MLLT10: variants seen among roughly 807,000 people sequenced by gnomAD.
The protein encoded by MLLT10 is protein AF-10.
Under a neutral mutation model 129.1 loss-of-function variants are expected in MLLT10, and 30 were observed. The observed-to-expected ratio is 0.23, with a 90% CI of 0.17 to 0.32. The LOEUF (loss-of-function observed/expected upper bound fraction) is 0.32. MLLT10 is among the 10% of genes least tolerant of loss of function. The probability of loss-of-function intolerance (pLI) is 1.00; values close to 1 mark genes in which losing one functional copy is unlikely to be tolerated. For missense variants in MLLT10, 1,119 were observed against 1,268.3 expected (o/e 0.88, Z 1.79); for synonymous variants, 490 against 446.4 (o/e 1.10, Z -1.23).
In MLLT10 at chr10:21,741,857, T is replaced by C; in HGVS notation, c.3163-82T>C. ...GGGAGTAACTTTCTATACCACATTT[T>C]ATCTCAGTCACAGTTTCAAATTCGG... On this transcript the variant is annotated intron_variant, in intron 22 of 22. Transcript: ENST00000307729. The C allele has an allele frequency of 3.4e-6, 5 of 1,454,188 alleles. No individual in the cohort carries two copies. The South Asian group carries it at 6.1e-5, about 18-fold the overall frequency. 90.1% of individuals were successfully genotyped at this position (1,454,188 alleles called of 1,614,324 possible). A position where few individuals can be genotyped will look rare whatever the true frequency, so the allele number is the denominator to read the frequency against.
intron 5 of MLLT10, among the ~76,000 whole-genome samples, chr10:21,602,983 C>G (rs977054901): frequency 6.6e-6 from 1 of 152,006 alleles, no homozygotes; most frequent in Non-Finnish European, 1.5e-5. Flanking sequence ...CCACCTGCCT[C>G]GGCCTCCCAA....
At chr10:21,622,240 C>G (rs566633624) in intron 8 of MLLT10, among the ~76,000 whole-genome samples, 5 of 147,206 alleles carry the variant, frequency 3.4e-5, no homozygotes, top group African/African-American at 5.1e-5. Context: ...TCACTGCAGC[C>G]TTGATCTCCG....
At chr10:21,634,170 G>T (rs536523452) in intron 8 of MLLT10, among the ~76,000 whole-genome samples, 141 of 151,802 alleles carry the variant, frequency 9.3e-4, no homozygotes, top group African/African-American at 2.9e-3. Flanking sequence ...AACCCAGGAG[G>T]CAGGGGTTTC....
chr10:21,706,235 A>G (rs2055481834), intron 13 of MLLT10, among the ~76,000 whole-genome samples: 2 of 152,236 alleles, frequency 1.3e-5, no homozygotes, highest in Non-Finnish European at 2.9e-5. Context: ...TGAATTCATA[A>G]TAATGATGGG....
intron 14 of MLLT10, among the ~76,000 whole-genome samples, chr10:21,714,923 A>G (rs2056418988): frequency 6.6e-6 from 1 of 152,114 alleles, no homozygotes; most frequent in African/African-American, 2.4e-5. Flanking sequence ...ATCCCCCTGT[A>G]TTACACCCCC....
At chr10:21,727,975 G>A in intron 16 of MLLT10, 47 bp downstream of exon 16, 1 of 1,543,328 alleles carries the variant, frequency 6.5e-7, no homozygotes. Flanking sequence ...AAACGTTTGA[G>A]ATTTGGAAAC....
chr10:21,740,075 C>T lies in MLLT10; in HGVS notation c.3001C>T (p.Gln1001Ter), dbSNP rs768098714. ...GTATCAGTTAATGCAACATCACCAC[C>T]AGCAGCACCACCAACCTGAACTTCA... Reference protein sequence around the residue: ...FLYQLMQHHHQQHHQPELQQL... With the variant: ...FLYQLMQHHH Residue 1001 changes from glutamine (Q) to a stop codon, truncating the protein, a stop_gained, in exon 22 of 23, where the codon CAG becomes TAG. Coordinates refer to ENST00000307729, the MANE Select transcript of MLLT10 (RefSeq NM_001195626.3). LOFTEE classifies it high-confidence loss of function. The T allele has an allele frequency of 1.2e-6, 2 of 1,613,788 alleles. No homozygotes were observed. Among genetic ancestry groups the T allele is most frequent in the Non-Finnish European group, 1.7e-6 (2 of 1,179,856 alleles).
chr10:21,609,767 A>T (rs2044412677), intron 5 of MLLT10, among the ~76,000 whole-genome samples: 1 of 152,126 alleles, frequency 6.6e-6, no homozygotes, highest in Non-Finnish European at 1.5e-5. Context: ...TAGTGAGTAC[A>T]CTGGAAAATA....
chr10:21,656,828 T>C (rs1255780861), intron 9 of MLLT10, among the ~76,000 whole-genome samples: 1 of 152,082 alleles, frequency 6.6e-6, no homozygotes, highest in Non-Finnish European at 1.5e-5. Context: ...GGAGTAAAAG[T>C]GTAAGTGTCT....
intron 11 of MLLT10, among the ~76,000 whole-genome samples, chr10:21,681,103 C>T (rs2052694966): frequency 6.6e-6 from 1 of 152,150 alleles, no homozygotes; most frequent in Admixed American, 6.5e-5. Flanking sequence ...TGTAATAACA[C>T]AGATACATTC....
chr10:21,714,043 T>C (rs1375667053), intron 14 of MLLT10, 93 bp downstream of exon 14: 2 of 1,057,748 alleles, frequency 1.9e-6, no homozygotes, highest in Middle Eastern at 2.2e-4. Context: ...ACATAGGGCC[T>C]TCTATAGGAA....
chr10:21,741,248 G>T (rs1182433680), intron 22 of MLLT10, among the ~76,000 whole-genome samples: 1 of 144,230 alleles, frequency 6.9e-6, no homozygotes, highest in African/African-American at 2.7e-5. Context: ...CAGTGATTCT[G>T]TATTGAGTTC....
chr10:21,726,558 A>G (rs945366700), intron 15 of MLLT10, among the ~76,000 whole-genome samples: 1 of 152,158 alleles, frequency 6.6e-6, no homozygotes, highest in Non-Finnish European at 1.5e-5. Flanking sequence ...ATTCCACATT[A>G]CATTCATATA....
intron 9 of MLLT10, among the ~76,000 whole-genome samples, chr10:21,659,635 C>T (rs542661621): frequency 7.0e-4 from 106 of 151,662 alleles, no homozygotes; most frequent in African/African-American, 2.3e-3. Context: ...CTCACCCTCC[C>T]GAGTAGCTGG....
chr10:21,572,256 T>G (rs1479529969), intron 3 of MLLT10, among the ~76,000 whole-genome samples: 1 of 152,248 alleles, frequency 6.6e-6, no homozygotes, highest in Non-Finnish European at 1.5e-5. Context: ...TCCAAAAATC[T>G]GTTTGTCTAG....
intron 9 of MLLT10, among the ~76,000 whole-genome samples, chr10:21,660,788 A>G (rs184346350): frequency 2.0e-5 from 3 of 149,372 alleles, no homozygotes; most frequent in Non-Finnish European, 4.4e-5. Flanking sequence ...GCAGGGAATC[A>G]CTTGAACCCA....
chr10:21,665,992 A>G (rs1051225315), intron 9 of MLLT10, among the ~76,000 whole-genome samples: 1 of 152,100 alleles, frequency 6.6e-6, no homozygotes, highest in Non-Finnish European at 1.5e-5. Flanking sequence ...GAGCCACTGC[A>G]CCTGGCCTCT....
intron 8 of MLLT10, among the ~76,000 whole-genome samples, chr10:21,624,105 A>G (rs1051219100): frequency 6.6e-6 from 1 of 152,220 alleles, no homozygotes; most frequent in African/African-American, 2.4e-5. Context: ...ACCTACTTCT[A>G]AAAATGCAAA....
chr10:21,662,847 T>C (rs1032635988), intron 9 of MLLT10, among the ~76,000 whole-genome samples: 3 of 152,224 alleles, frequency 2.0e-5, no homozygotes, highest in Admixed American at 6.5e-5. Context: ...CTTATATTTC[T>C]ATAATTAGGT....
Sources: gnomAD v4.1 joint callset for allele counts (sites outside exome capture counted in the v4.1 genomes callset) on GRCh38, gnomAD v4.1.1 for gene constraint, MANE v1.5 for transcripts, NCBI Gene and HGNC (gene_info 2026-07-23, HGNC 2026-07-21) for gene names.